Variants in KCNT2 observed in about 807,000 individuals in gnomAD.
The protein encoded by KCNT2 is potassium channel subfamily T member 2.
A neutral mutation model predicts 153.8 loss-of-function variants in KCNT2; 67 were observed. The observed-to-expected ratio is 0.44, with a 90% CI of 0.36 to 0.53. KCNT2 has a LOEUF of 0.53. KCNT2 is among the 20% of genes least tolerant of loss of function. The pLI is 0.00. For synonymous variants in KCNT2, 500 were observed against 458.8 expected (o/e 1.09, Z -1.15); for missense variants, 975 against 1,354.8 (o/e 0.72, Z 4.40).
chr1:196,349,078 T>G (rs1234359900), intron 14 of KCNT2, among the ~76,000 whole-genome samples: 2 of 152,080 alleles, frequency 1.3e-5, no homozygotes, highest in African/African-American at 2.4e-5. Flanking sequence ...TGATGAGACA[T>G]CTTGGAAGGA....
At chr1:196,424,106 T>C (rs2148523677) in intron 11 of KCNT2, among the ~76,000 whole-genome samples, 1 of 152,074 alleles carries the variant, frequency 6.6e-6, no homozygotes, top group East Asian at 1.9e-4. Flanking sequence ...CCTCTCTCTC[T>C]CCTTCATTCC....
intron 12 of KCNT2, among the ~76,000 whole-genome samples, chr1:196,402,999 C>T (rs1200319426): frequency 1.3e-5 from 2 of 151,610 alleles, no homozygotes; most frequent in Non-Finnish European, 3.0e-5. Flanking sequence ...ATTTGGAATA[C>T]ATTTTGACAA....
At chr1:196,419,706 AT>A (rs1673043929) in intron 12 of KCNT2, among the ~76,000 whole-genome samples, 2 of 152,116 alleles carry the variant, frequency 1.3e-5, no homozygotes, top group Admixed American at 6.6e-5. Flanking sequence ...TTTTGAAAGC[AT>A]TGTCCCACTG....
intron 14 of KCNT2, among the ~76,000 whole-genome samples, chr1:196,348,694 C>T (rs1248388191): frequency 6.6e-6 from 1 of 151,806 alleles, no homozygotes; most frequent in Non-Finnish European, 1.5e-5. Context: ...TTTTAAAAAA[C>T]CAAATGGAGT....
intron 8 of KCNT2, among the ~76,000 whole-genome samples, chr1:196,458,013 A>T (rs1301671542): frequency 2.0e-5 from 3 of 151,904 alleles, no homozygotes; most frequent in Non-Finnish European, 4.4e-5. Context: ...AACGCACGAG[A>T]CTAAAAACAT....
intron 1 of KCNT2, among the ~76,000 whole-genome samples, chr1:196,559,816 T>C (rs1399531055): frequency 2.0e-5 from 3 of 151,816 alleles, no homozygotes; most frequent in Non-Finnish European, 4.4e-5. Flanking sequence ...AATTTTTTTA[T>C]AATACAACAA....
chr1:196,473,821 GA>G (rs1000262240), intron 5 of KCNT2, among the ~76,000 whole-genome samples: 1 of 151,858 alleles, frequency 6.6e-6, no homozygotes, highest in Non-Finnish European at 1.5e-5. Context: ...CTAGTATGGT[GA>G]AAAAAAGTAT....
rs1653532825 is a variant in KCNT2, at chr1:196,226,915, TAACAC to T, written c.*1304_*1308del. The T allele has an allele frequency of 6.6e-6, 1 of 152,044 alleles. No individual in the cohort carries two copies. The highest frequency in any genetic ancestry group is 1.9e-4 in the East Asian group (1 of 5,194). 9.4% of individuals were successfully genotyped at this position (152,044 alleles called of 1,614,324 possible). A position where few individuals can be genotyped will look rare whatever the true frequency, so the allele number is the denominator to read the frequency against. Reference sequence around the variant, plus strand: ...CAATGTTTCTTTTACAGGAACATTTTAACACACTTCTACTACCTGGTAAACTATGT... The same window carrying T: ...CAATGTTTCTTTTACAGGAACATTTTACTTCTACTACCTGGTAAACTATGT... On this transcript the variant is annotated 3_prime_UTR_variant, in exon 28 of 28. Transcript: ENST00000294725.
At chr1:196,290,992 G>A (rs1377200527) in intron 22 of KCNT2, among the ~76,000 whole-genome samples, 2 of 151,998 alleles carry the variant, frequency 1.3e-5, no homozygotes, top group East Asian at 1.9e-4. Flanking sequence ...GCATTCTAAG[G>A]TCTAGCTCCC....
intron 13 of KCNT2, among the ~76,000 whole-genome samples, chr1:196,390,908 T>TAA (rs1553310685): frequency 7.0e-6 from 1 of 142,868 alleles, no homozygotes; most frequent in African/African-American, 2.6e-5. Context: ...TTTTTTTTTT[T>TAA]AAAAAAAAAC....
At chr1:196,579,168 T>A (rs1250016966) in intron 1 of KCNT2, among the ~76,000 whole-genome samples, 4 of 152,128 alleles carry the variant, frequency 2.6e-5, no homozygotes, top group Admixed American at 2.0e-4. Flanking sequence ...TCATATAGAT[T>A]ATTTTCCTTT....
rs1656708689 is a variant in KCNT2, at chr1:196,258,447, G to C, written c.2958C>G (p.Ser986=). ...TGCTGCGGTGGTGCCCTTGTTCTTT[G>C]GAGTCTTTGGTGTCTTCCCACTCTT... ...SVEEWEDTKD[S]KEQGHHRSNH... is the part of the protein sequence containing the mutation. Residue 986 remains serine, a synonymous_variant, in exon 26 of 28, where the codon TCC becomes TCG. Transcript: ENST00000294725. 1 of 1,613,344 alleles carries C rather than the reference G, an allele frequency of 6.2e-7. No individual in the cohort carries two copies. The highest frequency in any genetic ancestry group is 8.5e-7 in the Non-Finnish European group (1 of 1,179,824).
chr1:196,352,905 G>A (rs1001971130), intron 14 of KCNT2, among the ~76,000 whole-genome samples: 2 of 151,884 alleles, frequency 1.3e-5, no homozygotes, highest in African/African-American at 4.8e-5. Flanking sequence ...GGTATGTTGT[G>A]TCTTCTCATT....
chr1:196,465,249 A>T, intron 8 of KCNT2, 44 bp downstream of exon 8: 1 of 1,011,988 alleles, frequency 9.9e-7, no homozygotes, highest in Non-Finnish European at 1.5e-6. Flanking sequence ...TAGAAATTAT[A>T]ATTAAATGAA....
intron 25 of KCNT2, among the ~76,000 whole-genome samples, chr1:196,260,410 T>C (rs1340313356): frequency 6.6e-6 from 1 of 151,886 alleles, no homozygotes; most frequent in African/African-American, 2.4e-5. Context: ...AGTATACATC[T>C]ACAAGATGAA....
intron 18 of KCNT2, 122 bp downstream of exon 18, chr1:196,331,034 A>G: frequency 3.2e-6 from 2 of 630,246 alleles, no homozygotes; most frequent in Non-Finnish European, 5.7e-6. Context: ...ACATTGGAAA[A>G]GATAATACCA....
Position 196,282,375 on chromosome 1 carries a change from A to G in KCNT2, c.2698-19T>C, listed in dbSNP as rs1275844255. The stretch of plus-strand genomic sequence containing the variant: ...CAAATGACTGCAATATAAACAAACA[A>G]ACAATATATAAATGTATATTTATAT... On this transcript the variant is annotated intron_variant, in intron 23 of 27. Coordinates refer to ENST00000294725, the MANE Select transcript of KCNT2 (RefSeq NM_198503.5). The G allele has an allele frequency of 1.6e-6, 2 of 1,268,360 alleles. No homozygotes were observed. Among genetic ancestry groups the G allele is most frequent in the Admixed American group, 3.4e-5 (2 of 58,848 alleles). 78.6% of individuals were successfully genotyped at this position (1,268,360 alleles called of 1,614,324 possible). A position where few individuals can be genotyped will look rare whatever the true frequency, so the allele number is the denominator to read the frequency against.
At position 196,226,552 on chromosome 1, in the gene KCNT2, C is replaced by G. The variant is rs1217366475; in HGVS notation, c.*1672G>C. 6.6e-6 allele frequency: 1 copy of G among 151,868 alleles called. No homozygotes were observed. Among genetic ancestry groups the G allele is most frequent in the Non-Finnish European group, 1.5e-5 (1 of 67,804 alleles). 9.4% of individuals were successfully genotyped at this position (151,868 alleles called of 1,614,324 possible). A position where few individuals can be genotyped will look rare whatever the true frequency, so the allele number is the denominator to read the frequency against. On this transcript the variant is annotated 3_prime_UTR_variant, in exon 28 of 28. Coordinates refer to ENST00000294725, the MANE Select transcript of KCNT2 (RefSeq NM_198503.5). Reference sequence around the variant, plus strand: ...CAGGGTCTCTGTTTTAGGGGTAATTCTTGGTGTTCTTGTTATTCTAAAATG... The same window carrying G: ...CAGGGTCTCTGTTTTAGGGGTAATTGTTGGTGTTCTTGTTATTCTAAAATG...
At chr1:196,601,355 T>G (rs909839403) in intron 1 of KCNT2, among the ~76,000 whole-genome samples, 2 of 152,216 alleles carry the variant, frequency 1.3e-5, no homozygotes, top group Non-Finnish European at 2.9e-5. Flanking sequence ...GTAATTAAGT[T>G]CGCATATGTA....
Sources: gnomAD v4.1 joint callset for allele counts (sites outside exome capture counted in the v4.1 genomes callset) on GRCh38, gnomAD v4.1.1 for gene constraint, MANE v1.5 for transcripts, NCBI Gene and HGNC (gene_info 2026-07-23, HGNC 2026-07-21) for gene names.